Variants in PCLO observed in about 807,000 individuals in gnomAD.
PCLO encodes piccolo presynaptic cytomatrix protein.
Under a neutral mutation model 427.5 loss-of-function variants are expected in PCLO, and 82 were observed. The observed-to-expected ratio is 0.19, with a 90% confidence interval of 0.16 to 0.23. PCLO has a LOEUF of 0.23. Among genes scored for constraint, PCLO ranks in the 10% least tolerant of loss-of-function variants. The pLI is 1.00. For missense variants in PCLO, 6,239 were observed against 6,115.9 expected, an observed-to-expected ratio of 1.02 and a Z score of -0.67; for synonymous variants, 2,357 against 2,155.4, an observed-to-expected ratio of 1.09 and a Z score of -2.59.
intron 3 of PCLO, among the ~76,000 whole-genome samples, chr7:83,026,109 A>G (rs558428051): frequency 0.012 from 1,793 of 152,210 alleles, 15 homozygotes; most frequent in Middle Eastern, 0.041. Flanking sequence ...TAACAATATT[A>G]ACTTTAAATG....
intron 6 of PCLO, among the ~76,000 whole-genome samples, chr7:82,944,482 T>A (rs1795155884): frequency 6.6e-6 from 1 of 152,070 alleles, no homozygotes; most frequent in Non-Finnish European, 1.5e-5. Context: ...ACAGATATAG[T>A]ATCTTAGATG....
intron 22 of PCLO, among the ~76,000 whole-genome samples, chr7:82,798,944 A>G (rs758936171): frequency 1.4e-4 from 21 of 152,110 alleles, no homozygotes; most frequent in Non-Finnish European, 2.8e-4. Flanking sequence ...TCAGTTCGCT[A>G]AAGGGGAAAC....
chr7:83,113,808 G>C (rs1012588342), intron 3 of PCLO, among the ~76,000 whole-genome samples: 1 of 151,996 alleles, frequency 6.6e-6, no homozygotes, highest in Admixed American at 6.6e-5. Context: ...AAAAGGAGCA[G>C]GGTAAGAAAA....
intron 3 of PCLO, among the ~76,000 whole-genome samples, chr7:83,067,476 A>T (rs1207609432): frequency 6.6e-6 from 1 of 151,944 alleles, no homozygotes; most frequent in Non-Finnish European, 1.5e-5. Context: ...TTTAGAAAGA[A>T]TTTTTTCTTG....
In PCLO at chr7:82,954,956, A is replaced by T. The variant is rs1366398438; in HGVS notation, c.5997T>A (p.Ile1999=). ...TAATTTTCTGCATAGGATCTTCATAAATCTGTTCTGAAAGTCTTATCTTTT... is the reference window on the plus strand; with the variant it reads ...TAATTTTCTGCATAGGATCTTCATATATCTGTTCTGAAAGTCTTATCTTTT... ...REQKIRLSEQ[I]YEDPMQKITD... Residue 1999 remains isoleucine (I), a synonymous_variant, in exon 5 of 25, where the codon ATT becomes ATA. Transcript: ENST00000333891. 1.2e-6 allele frequency: 2 copies of T among 1,613,612 alleles called. No individual in the cohort carries two copies. The highest frequency in any genetic ancestry group is 1.7e-6 in the Non-Finnish European group (2 of 1,179,858).
intron 22 of PCLO, among the ~76,000 whole-genome samples, chr7:82,774,703 G>C (rs1455425758): frequency 1.3e-5 from 2 of 151,984 alleles, no homozygotes; most frequent in Non-Finnish European, 2.9e-5. Context: ...TTTCCACCAG[G>C]GTAGTTCATT....
At chr7:83,161,947 G>C (rs1792448897) in intron 1 of PCLO, among the ~76,000 whole-genome samples, 1 of 152,170 alleles carries the variant, frequency 6.6e-6, no homozygotes, top group Admixed American at 6.5e-5. Flanking sequence ...ACCCGCAATG[G>C]CCAAGAGGTT....
chr7:83,156,485 T>A, intron 1 of PCLO, 93 bp from the exon 2 acceptor site: 1 of 756,490 alleles, frequency 1.3e-6, no homozygotes, highest in Non-Finnish European at 2.0e-6. Flanking sequence ...GCTTATATCT[T>A]CAAAATTATG....
rs902244986 is a variant in PCLO, at chr7:82,756,577, T to C, written c.*1998A>G. ...ATATCCTGGGATATATTAGAAATTC[T>C]CTTATTTTTAGTGCTTTACAGTCCT... On this transcript the variant is annotated 3_prime_UTR_variant, in exon 25 of 25. Coordinates refer to ENST00000333891, the MANE Select transcript of PCLO (RefSeq NM_033026.6). The C allele has an allele frequency of 2.6e-5, 4 of 152,046 alleles. No homozygotes were observed. The highest frequency in any genetic ancestry group is 4.4e-5 in the Non-Finnish European group (3 of 67,990). The allele number at this position is 152,046 out of a possible 1,614,324, so 9.4% of individuals were successfully genotyped here.
At chr7:82,931,618 T>C (rs1042124966) in intron 6 of PCLO, among the ~76,000 whole-genome samples, 1 of 152,124 alleles carries the variant, frequency 6.6e-6, no homozygotes, top group Non-Finnish European at 1.5e-5. Flanking sequence ...TTCAGTTCCC[T>C]CATTAGCTTC....
chr7:82,837,660 G>A (rs1172867431), intron 15 of PCLO, among the ~76,000 whole-genome samples: 2 of 151,874 alleles, frequency 1.3e-5, no homozygotes, highest in South Asian at 2.1e-4. Flanking sequence ...GAGATTCAAA[G>A]AGATATTTTT....
rs1795326284 is a variant in PCLO, at chr7:82,950,897, A to G, written c.9691T>C (p.Phe3231Leu). 6.2e-7 allele frequency: 1 copy of G among 1,613,354 alleles called. No individual in the cohort carries two copies. Among genetic ancestry groups the G allele is most frequent in the Admixed American group, 1.7e-5 (1 of 60,002 alleles). ...CGTTCCCACTCCAATTCCTCAGCAA[A>G]GCGCTGTTGCTTAATTTTCTCCAGT... ...LELEKIKQQR[F>L]AEELEWERQE... The change falls in exon 6 of 25, where the codon TTT becomes CTT. Residue 3231 changes from phenylalanine to leucine, a missense_variant. Physicochemically the swap from Phe to Leu is conservative, Grantham distance 22. Transcript: ENST00000333891.
rs1327740972 is a variant in PCLO at position 83,134,602 on chromosome 7, G to C, written c.2948C>G (p.Thr983Arg). The C allele has an allele frequency of 6.2e-7, 1 of 1,613,858 alleles. No homozygotes were observed. The highest frequency in any genetic ancestry group is 8.5e-7 in the Non-Finnish European group (1 of 1,179,870). ...TGCAGGTGCTGGTGGTGCTTGACCT[G>C]TGGATTTGGGTGGCCCTTGTGAAGT... The part of the protein sequence containing the change: ...PPTSQGPPKS[T>R]GQAPPAPAKS... Residue 983 changes from threonine to arginine, a missense_variant, in exon 3 of 25, where the codon ACA (threonine) becomes AGA (arginine). Transcript: ENST00000333891.
In PCLO at chr7:82,756,299, C is replaced by T. The variant is rs1249171943; in HGVS notation, c.*2276G>A. On this transcript the variant is annotated 3_prime_UTR_variant, in exon 25 of 25. Transcript: ENST00000333891. ...TATGAGTGATGATTATAGGCTTCTT[C>T]AAGTGCTAGCTTCTGCTGGAAATAT... The T allele has an allele frequency of 6.6e-6, 1 of 152,032 alleles. No individual in the cohort carries two copies. Among genetic ancestry groups the T allele is most frequent in the Non-Finnish European group, 1.5e-5 (1 of 67,990 alleles). 9.4% of individuals were successfully genotyped at this position (152,032 alleles called of 1,614,324 possible).
chr7:83,003,075 T>C (rs1185395561), intron 3 of PCLO, among the ~76,000 whole-genome samples: 3 of 151,472 alleles, frequency 2.0e-5, no homozygotes, highest in Non-Finnish European at 3.0e-5. Flanking sequence ...TAAACTACAA[T>C]TGGATTTCTA....
chr7:83,095,643 T>C (rs888687301), intron 3 of PCLO, among the ~76,000 whole-genome samples: 8 of 152,058 alleles, frequency 5.3e-5, no homozygotes, highest in Admixed American at 5.2e-4. Context: ...TTTTATTTAA[T>C]TCATATCTTA....
chr7:83,014,538 A>C (rs1323926756), intron 3 of PCLO, among the ~76,000 whole-genome samples: 1 of 152,130 alleles, frequency 6.6e-6, no homozygotes, highest in Non-Finnish European at 1.5e-5. Context: ...ATACACCTAA[A>C]AAAAGAATGT....
At chr7:82,922,484 G>C (rs901883287) in intron 6 of PCLO, among the ~76,000 whole-genome samples, 118 of 152,070 alleles carry the variant, frequency 7.8e-4, no homozygotes, top group African/African-American at 2.8e-3. Context: ...AATTAATACA[G>C]GAACAGAAAA....
chr7:83,151,249 G>T (rs955232443), intron 2 of PCLO, among the ~76,000 whole-genome samples: 4 of 152,140 alleles, frequency 2.6e-5, no homozygotes, highest in African/African-American at 9.7e-5. Flanking sequence ...TAATACTGTT[G>T]ATCGAATGTC....
Sources: gnomAD v4.1 joint callset for allele counts (sites outside exome capture counted in the v4.1 genomes callset) on GRCh38, gnomAD v4.1.1 for gene constraint, MANE v1.5 for transcripts, NCBI Gene and HGNC (gene_info 2026-07-23, HGNC 2026-07-21) for gene names.